The following RAB2A variants were observed in gnomAD, a reference collection of about 807,000 sequenced individuals.
RAB2A encodes RAB2A, member RAS oncogene family.
A neutral mutation model predicts 32.5 loss-of-function variants in RAB2A; 7 were observed. The ratio of observed to expected loss-of-function variants is 0.22; its 90% CI spans 0.12 to 0.40. The LOEUF is 0.40. Ranked by LOEUF, RAB2A falls within the 10% of genes least tolerant of loss-of-function variation. The pLI is 1.00. For synonymous variants in RAB2A, 79 were observed against 85.2 expected, an observed-to-expected ratio of 0.93 and a Z score of 0.40; for missense variants, 108 against 260.7, an observed-to-expected ratio of 0.41 and a Z score of 4.03.
At chr8:60,547,865 T>G (rs1291534758) in intron 1 of RAB2A, among the ~76,000 whole-genome samples, 1 of 114,504 alleles carries the variant, frequency 8.7e-6, no homozygotes, top group Non-Finnish European at 1.8e-5. Context: ...ACGGGGCGGC[T>G]GGCCGGGCGG....
chr8:60,579,496 A>T (rs969843198), intron 3 of RAB2A, among the ~76,000 whole-genome samples: 8 of 152,312 alleles, frequency 5.3e-5, no homozygotes, highest in African/African-American at 1.9e-4. Flanking sequence ...TTTACACTCT[A>T]AGCTAATATT....
intron 1 of RAB2A, among the ~76,000 whole-genome samples, chr8:60,527,669 C>T (rs530826124): frequency 1.3e-5 from 2 of 152,224 alleles, no homozygotes; most frequent in East Asian, 3.9e-4. Context: ...GAAGTGGTCA[C>T]TGAATTTAGC....
Position 60,591,974 on chromosome 8 carries a change from A to C in RAB2A, c.474+5A>C. 1 of 1,521,754 alleles carries C rather than the reference A, an allele frequency of 6.6e-7. No individual in the cohort carries two copies. Among genetic ancestry groups the C allele is most frequent in the Non-Finnish European group, 9.0e-7 (1 of 1,109,114 alleles). The allele number at this position is 1,521,754 out of a possible 1,614,324, so 94.3% of individuals were successfully genotyped here. A position where few individuals can be genotyped will look rare whatever the true frequency, so the allele number is the denominator to read the frequency against. ...ACTGCTTCCAATGTAGAAGAGGTAA[A>C]TAAGAGGCCCTTTAAAATCTTCATC... On this transcript the variant is annotated splice_donor_5th_base_variant and intron_variant, in intron 6 of 7. Coordinates refer to ENST00000262646, the MANE Select transcript of RAB2A (RefSeq NM_002865.3).
chr8:60,588,044 G>A (rs913541670), intron 5 of RAB2A, among the ~76,000 whole-genome samples: 3 of 152,160 alleles, frequency 2.0e-5, no homozygotes, highest in Non-Finnish European at 2.9e-5. Flanking sequence ...AGGCCGAGGC[G>A]GGAGGATTGC....
intron 3 of RAB2A, among the ~76,000 whole-genome samples, chr8:60,582,764 TG>T (rs1803783002): frequency 6.6e-6 from 1 of 152,198 alleles, no homozygotes; most frequent in South Asian, 2.1e-4. Context: ...GCAAATTTTT[TG>T]TGTGAAAAAT....
intron 1 of RAB2A, among the ~76,000 whole-genome samples, chr8:60,551,045 C>T (rs1807838982): frequency 6.6e-6 from 1 of 152,146 alleles, no homozygotes; most frequent in Non-Finnish European, 1.5e-5. Flanking sequence ...CTCCTTTAAA[C>T]CTTCATTTAA....
chr8:60,575,589 GTTA>G (rs923089740), intron 3 of RAB2A, among the ~76,000 whole-genome samples: 30 of 147,898 alleles, frequency 2.0e-4, no homozygotes, highest in African/African-American at 7.0e-4. Flanking sequence ...TTAGCCAAAT[GTTA>G]TTATTTGTTT....
At chr8:60,562,187 G>A (rs957774003) in intron 2 of RAB2A, among the ~76,000 whole-genome samples, 21 of 152,118 alleles carry the variant, frequency 1.4e-4, no homozygotes, top group African/African-American at 5.1e-4. Flanking sequence ...GGTAAGATTT[G>A]TATACCCACG....
chr8:60,557,164 GTAAGATCACATGTTTTGAAAT>G (rs1347903319), intron 1 of RAB2A, among the ~76,000 whole-genome samples: 2 of 152,162 alleles, frequency 1.3e-5, no homozygotes, highest in Non-Finnish European at 2.9e-5. Flanking sequence ...GAAGAAAACT[GTAAGATCACATGTTTTGAAAT>G]TCCAGTTTCT....
intron 1 of RAB2A, among the ~76,000 whole-genome samples, chr8:60,531,730 A>C (rs674690): frequency 6.6e-6 from 1 of 151,958 alleles, no homozygotes; most frequent in Non-Finnish European, 1.5e-5. Flanking sequence ...GAAGAATATC[A>C]AGGAGGTACT....
At chr8:60,540,102 C>T (rs772277861) in intron 1 of RAB2A, among the ~76,000 whole-genome samples, 4 of 150,378 alleles carry the variant, frequency 2.7e-5, no homozygotes, top group Non-Finnish European at 5.9e-5. Flanking sequence ...ACTTTAAAAC[C>T]AAATACAGTA....
chr8:60,540,120 A>G (rs993460343), intron 1 of RAB2A, among the ~76,000 whole-genome samples: 2 of 150,848 alleles, frequency 1.3e-5, no homozygotes, highest in African/African-American at 4.9e-5. Context: ...GTATATATTC[A>G]TATTTTAATA....
chr8:60,613,657 A>T (rs771247952), intron 6 of RAB2A, among the ~76,000 whole-genome samples: 1 of 152,200 alleles, frequency 6.6e-6, no homozygotes, highest in Non-Finnish European at 1.5e-5. Flanking sequence ...TTAAAGGTCT[A>T]ACTTCATCCC....
At chr8:60,529,879 C>G (rs1335592172) in intron 1 of RAB2A, among the ~76,000 whole-genome samples, 1 of 152,124 alleles carries the variant, frequency 6.6e-6, no homozygotes, top group Non-Finnish European at 1.5e-5. Flanking sequence ...ATAAATCTTG[C>G]AGCGGATTTG....
chr8:60,548,210 G>A (rs1229212881), intron 1 of RAB2A, among the ~76,000 whole-genome samples: 2 of 10,248 alleles, frequency 2.0e-4, no homozygotes, highest in Non-Finnish European at 3.0e-4. Flanking sequence ...AGGGGCGGCC[G>A]GGCAGAGGCG....
intron 1 of RAB2A, among the ~76,000 whole-genome samples, chr8:60,550,777 C>T (rs1362329619): frequency 6.6e-6 from 1 of 152,164 alleles, no homozygotes; most frequent in African/African-American, 2.4e-5. Context: ...TATTACTTCT[C>T]TGCTGAAAAC....
intron 2 of RAB2A, among the ~76,000 whole-genome samples, chr8:60,565,392 C>T (rs1345122575): frequency 2.9e-5 from 4 of 137,822 alleles, no homozygotes; most frequent in African/African-American, 1.1e-4. Context: ...GCACTCCAGC[C>T]TGGGCAACAG....
intron 2 of RAB2A, among the ~76,000 whole-genome samples, chr8:60,564,602 T>A (rs2130834597): frequency 6.6e-6 from 1 of 152,320 alleles, no homozygotes; most frequent in Middle Eastern, 3.4e-3. Context: ...CTAATAGACA[T>A]CTTAAACTGA....
intron 7 of RAB2A, among the ~76,000 whole-genome samples, chr8:60,620,122 C>T (rs536283610): frequency 6.6e-6 from 1 of 152,212 alleles, no homozygotes; most frequent in African/African-American, 2.4e-5. Context: ...TAGGTAAAAT[C>T]CACTTGAGGG....
Sources: gnomAD v4.1 joint callset for allele counts (sites outside exome capture counted in the v4.1 genomes callset) on GRCh38, gnomAD v4.1.1 for gene constraint, MANE v1.5 for transcripts, NCBI Gene and HGNC (gene_info 2026-07-23, HGNC 2026-07-21) for gene names.